TNFRSF8: variants seen among roughly 807,000 people sequenced by gnomAD.
TNFRSF8 encodes TNF receptor superfamily member 8, also known as tumor necrosis factor receptor superfamily member 8.
A neutral mutation model predicts 70.8 loss-of-function variants in TNFRSF8; 26 were observed. That is an observed-to-expected ratio of 0.37 (90% CI 0.27 to 0.51). TNFRSF8 has a LOEUF of 0.51. TNFRSF8 is among the 20% of genes least tolerant of loss of function. The pLI is 0.94. For missense variants in TNFRSF8, 720 were observed against 807.9 expected (o/e 0.89, Z 1.32); for synonymous variants, 356 against 339.2 (o/e 1.05, Z -0.54).
chr1:12,110,053 C>G lies in TNFRSF8; in HGVS notation c.525C>G (p.Pro175=), dbSNP rs774865047. The G allele has an allele frequency of 2.5e-6, 4 of 1,613,072 alleles. No homozygotes were observed. In the Admixed American group the frequency reaches 6.7e-5, roughly 27 times the overall value. The change falls in exon 6 of 15, where the codon CCC becomes CCG. Residue 175 remains proline (P), a synonymous_variant. Transcript: ENST00000263932. This position sits in a 1 kb window ranked among gnomAD's most constrained non-coding sequence, Gnocchi z 4.0. ...NCKEPSSGTI[P]QAKPTPVSPA... ...GCTTCTTCCCCAGTGGCACCATCCCCCAGGCCAAGCCCACCCCGGTGTCCC... is the reference window on the plus strand; with the variant it reads ...GCTTCTTCCCCAGTGGCACCATCCCGCAGGCCAAGCCCACCCCGGTGTCCC...
chr1:12,112,566 A>T lies in TNFRSF8; in HGVS notation c.793+552A>T, dbSNP rs566798128. On this transcript the variant is annotated intron_variant, in intron 7 of 14. Coordinates refer to ENST00000263932, the MANE Select transcript of TNFRSF8 (RefSeq NM_001243.5). This position sits in a 1 kb window ranked among gnomAD's most constrained non-coding sequence, Gnocchi z 5.3. ...TACCATGCCTGGCTAATTAAAAAAA[A>T]TTTTTTTTCATACAGATGGGGGTCT... Among the ~76,000 whole-genome samples, 47 of 151,808 alleles carry T rather than the reference A, an allele frequency of 3.1e-4. No homozygotes were observed. The highest frequency in any genetic ancestry group is 4.2e-4 in the South Asian group (2 of 4,806).
intron 9 of TNFRSF8, 29 bp downstream of exon 9, chr1:12,123,406 G>C: frequency 6.4e-7 from 1 of 1,573,322 alleles, no homozygotes; most frequent in East Asian, 2.3e-5. Context: ...CTCTCTGTTT[G>C]GCTGCTGCAG....
chr1:12,137,548 G>GTTTTTTT (rs553381567), intron 13 of TNFRSF8, among the ~76,000 whole-genome samples: 1 of 131,480 alleles, frequency 7.6e-6, no homozygotes, highest in East Asian at 2.4e-4. Flanking sequence ...CTGTTTTTTT[G>GTTTTTTT]TTTTTTTTTG....
At chr1:12,104,070 C>G (rs542669825) in intron 3 of TNFRSF8, among the ~76,000 whole-genome samples, 1 of 152,194 alleles carries the variant, frequency 6.6e-6, no homozygotes, top group East Asian at 1.9e-4. Context: ...TTTACTGTCT[C>G]GATAGTTTCA....
chr1:12,140,801 C>T (rs2101052148), intron 14 of TNFRSF8, among the ~76,000 whole-genome samples: 1 of 152,246 alleles, frequency 6.6e-6, no homozygotes, highest in South Asian at 2.1e-4. Context: ...CCCACCCTCA[C>T]TTCCCTCCCA....
intron 13 of TNFRSF8, among the ~76,000 whole-genome samples, chr1:12,136,236 G>A (rs928104785): frequency 6.6e-6 from 1 of 152,184 alleles, no homozygotes; most frequent in Non-Finnish European, 1.5e-5. Context: ...ATGCTTGGAT[G>A]TGACAAGTGG....
In TNFRSF8 at chr1:12,135,568, G is replaced by A; in HGVS notation, c.1310-20G>A. 6.2e-7 allele frequency: 1 copy of A among 1,614,030 alleles called. No homozygotes were observed. The highest frequency in any genetic ancestry group is 8.5e-7 in the Non-Finnish European group (1 of 1,180,020). ...GGCTGCCAGACTCCTTGGTGAAGTT[G>A]CTGCTCTTGCTTTTTGCAGATTCCA... On this transcript the variant is annotated intron_variant, in intron 12 of 14. Coordinates refer to ENST00000263932, the MANE Select transcript of TNFRSF8 (RefSeq NM_001243.5).
intron 1 of TNFRSF8, among the ~76,000 whole-genome samples, chr1:12,069,621 G>A (rs1640808105): frequency 6.6e-6 from 1 of 152,202 alleles, no homozygotes; most frequent in African/African-American, 2.4e-5. Flanking sequence ...CGTAGCGTGA[G>A]CTCAAGGCTC....
chr1:12,141,596 C>T lies in TNFRSF8; in HGVS notation c.1544-691C>T, dbSNP rs562357675. Among the ~76,000 whole-genome samples the T allele has an allele frequency of 1.3e-5, 2 of 152,210 alleles. No individual in the cohort carries two copies. The highest frequency in any genetic ancestry group is 2.9e-5 in the Non-Finnish European group (2 of 68,040). On this transcript the variant is annotated intron_variant, in intron 14 of 14. Coordinates refer to ENST00000263932, the MANE Select transcript of TNFRSF8 (RefSeq NM_001243.5). The surrounding 1 kb of genome is among the most constrained non-coding windows in gnomAD (Gnocchi z 5.4). ...GGCTGCCGAGACCTATTGAGGGGGC[C>T]GGGTTTTCTGCAGGATGTGACAGGC...
At chr1:12,085,207 T>C (rs571313748) in intron 2 of TNFRSF8, among the ~76,000 whole-genome samples, 2 of 152,020 alleles carry the variant, frequency 1.3e-5, no homozygotes, top group African/African-American at 4.8e-5. Context: ...ACCTCCCGGG[T>C]TCAAGCGATT....
intron 12 of TNFRSF8, among the ~76,000 whole-genome samples, chr1:12,130,301 T>C (rs1642024238): frequency 6.6e-6 from 1 of 152,228 alleles, no homozygotes; most frequent in Non-Finnish European, 1.5e-5. Context: ...CTTACCATCA[T>C]TTTTTATTTT....
chr1:12,122,042 G>C (rs1003283916), intron 8 of TNFRSF8, among the ~76,000 whole-genome samples: 2 of 152,180 alleles, frequency 1.3e-5, no homozygotes, highest in African/African-American at 4.8e-5. Flanking sequence ...GCAGATCGGT[G>C]GTTGCCTGGA....
intron 1 of TNFRSF8, among the ~76,000 whole-genome samples, chr1:12,070,764 G>A (rs1640827895): frequency 6.6e-6 from 1 of 152,136 alleles, no homozygotes; most frequent in Admixed American, 6.6e-5. Flanking sequence ...TTGGGATGTG[G>A]GAAAAAACAA....
chr1:12,122,314 A>G (rs1188811852), intron 8 of TNFRSF8, among the ~76,000 whole-genome samples: 2 of 151,570 alleles, frequency 1.3e-5, no homozygotes, highest in Non-Finnish European at 2.9e-5. Flanking sequence ...TACAGGCGGG[A>G]GCCACCCTAC....
chr1:12,090,774 T>C (rs1641235641), intron 2 of TNFRSF8, among the ~76,000 whole-genome samples: 1 of 152,204 alleles, frequency 6.6e-6, no homozygotes. Context: ...CTTTTCTACC[T>C]GCTTGTAAGA....
Position 12,108,503 on chromosome 1 carries a change from C to G in TNFRSF8, c.422-1063C>G, listed in dbSNP as rs1641569145. On this transcript the variant is annotated intron_variant, in intron 4 of 14. Transcript: ENST00000263932. The surrounding 1 kb of genome is among the most constrained non-coding windows in gnomAD (Gnocchi z 4.0). The stretch of plus-strand genomic sequence containing the variant: ...ACTCTTCTGTTTATCCTGACGACAG[C>G]CTGGTGAAGAGTGTATGATTATAGT... Among the ~76,000 whole-genome samples, 2 of 152,106 alleles carry G rather than the reference C, an allele frequency of 1.3e-5. No homozygotes were observed. The highest frequency in any genetic ancestry group is 2.9e-5 in the Non-Finnish European group (2 of 68,022).
chr1:12,082,671 G>A (rs1641087334), intron 1 of TNFRSF8, among the ~76,000 whole-genome samples: 1 of 151,888 alleles, frequency 6.6e-6, no homozygotes, highest in Admixed American at 6.6e-5. Flanking sequence ...GTACAAGAAT[G>A]AAACTTGAAT....
At chr1:12,090,864 C>G (rs1641236942) in intron 2 of TNFRSF8, among the ~76,000 whole-genome samples, 1 of 152,144 alleles carries the variant, frequency 6.6e-6, no homozygotes, top group Admixed American at 6.5e-5. Context: ...CAACCAATTC[C>G]TATGTTGAAG....
At chr1:12,104,681 TA>T in intron 4 of TNFRSF8, 150 bp downstream of exon 4, 1 of 990,192 alleles carries the variant, frequency 1.0e-6, no homozygotes, top group Non-Finnish European at 1.5e-6. Context: ...GCCAGGGATG[TA>T]CCCAGCACCC....
Sources: gnomAD v4.1 joint callset for allele counts (sites outside exome capture counted in the v4.1 genomes callset) on GRCh38, gnomAD v4.1.1 for gene constraint, Gnocchi (gnomAD v3.1) non-coding constraint, MANE v1.5 for transcripts, NCBI Gene and HGNC (gene_info 2026-07-23, HGNC 2026-07-21) for gene names.